The following SOX5 variants were observed in gnomAD, a reference collection of about 807,000 sequenced individuals.
SOX5 encodes the protein SRY-box transcription factor 5.
SOX5 carries 9 observed loss-of-function variants against 92.0 expected under a neutral mutation model. The observed-to-expected ratio is 0.10, with a 90% confidence interval of 0.06 to 0.17. The LOEUF is 0.17. Among genes scored for constraint, SOX5 ranks in the 10% least tolerant of loss-of-function variants. The probability of loss-of-function intolerance (pLI) is 1.00; values close to 1 mark genes in which losing one functional copy is unlikely to be tolerated. For synonymous variants in SOX5, 344 were observed against 336.3 expected (o/e 1.02, Z -0.25); for missense variants, 642 against 944.5 (o/e 0.68, Z 4.20).
chr12:23,600,586 G>A (rs1487497214), intron 9 of SOX5, among the ~76,000 whole-genome samples: 2 of 114,882 alleles, frequency 1.7e-5, no homozygotes, highest in Non-Finnish European at 3.6e-5. Context: ...AAAAACCAAG[G>A]CATTGAGAAA....
At chr12:24,461,945 T>C (rs1035806857) in intron 1 of SOX5, among the ~76,000 whole-genome samples, 1 of 152,196 alleles carries the variant, frequency 6.6e-6, no homozygotes, top group Non-Finnish European at 1.5e-5. Flanking sequence ...GGTTACATCA[T>C]TTACCTCCGT....
intron 2 of SOX5, among the ~76,000 whole-genome samples, chr12:23,849,046 G>T (rs555745839): frequency 8.7e-4 from 133 of 152,170 alleles, no homozygotes; most frequent in African/African-American, 3.1e-3. Flanking sequence ...ACAGAATATT[G>T]CTATGAACAC....
chr12:24,152,864 T>C (rs908155138), intron 4 of SOX5, among the ~76,000 whole-genome samples: 4 of 152,022 alleles, frequency 2.6e-5, no homozygotes, highest in African/African-American at 4.8e-5. Context: ...AAAAAGAGAA[T>C]TGTAATCATA....
intron 4 of SOX5, among the ~76,000 whole-genome samples, chr12:24,037,750 C>A (rs1302071031): frequency 6.6e-5 from 10 of 152,080 alleles, no homozygotes; most frequent in Admixed American, 1.3e-4. Flanking sequence ...TCTACAAATA[C>A]AAAATTATTT....
intron 6 of SOX5, among the ~76,000 whole-genome samples, chr12:23,674,944 T>C (rs1329443574): frequency 1.3e-5 from 2 of 152,102 alleles, no homozygotes; most frequent in African/African-American, 2.4e-5. Flanking sequence ...TGCCATTTGG[T>C]GTTAATTTCT....
chr12:23,924,355 C>A (rs533564860), intron 1 of SOX5, among the ~76,000 whole-genome samples: 1 of 152,136 alleles, frequency 6.6e-6, no homozygotes, highest in African/African-American at 2.4e-5. Context: ...GACCTAGGAC[C>A]AGACTTTATC....
intron 1 of SOX5, among the ~76,000 whole-genome samples, chr12:24,497,459 C>T (rs184237631): frequency 6.6e-6 from 1 of 152,268 alleles, no homozygotes; most frequent in East Asian, 1.9e-4. Flanking sequence ...GGGTCTTCAT[C>T]CTAATGTTTT....
chr12:23,665,910 G>A (rs2139434758), intron 6 of SOX5, among the ~76,000 whole-genome samples: 1 of 152,206 alleles, frequency 6.6e-6, no homozygotes, highest in South Asian at 2.1e-4. Context: ...AGAAGGAACT[G>A]AAATCGCCCT....
chr12:24,374,488 T>A (rs1957046071), intron 1 of SOX5, among the ~76,000 whole-genome samples: 1 of 150,546 alleles, frequency 6.6e-6, no homozygotes, highest in South Asian at 2.1e-4. Flanking sequence ...TGTTCTGCCC[T>A]CTCCAGACCA....
At chr12:24,223,436 T>C (rs1441448433) in intron 3 of SOX5, 1 of 152,146 alleles carries the variant, frequency 6.6e-6, no homozygotes, top group South Asian at 2.1e-4. Flanking sequence ...CATGATTAGA[T>C]ACAAGTGAGG....
At chr12:23,961,744 TATGTA>T (rs1946966185) in intron 4 of SOX5, among the ~76,000 whole-genome samples, 1 of 152,194 alleles carries the variant, frequency 6.6e-6, no homozygotes, top group Admixed American at 6.5e-5. Flanking sequence ...CACAGCATTG[TATGTA>T]GTACCACTGC....
intron 4 of SOX5, among the ~76,000 whole-genome samples, chr12:24,212,659 T>C (rs1393096308): frequency 6.6e-6 from 1 of 152,158 alleles, no homozygotes; most frequent in Non-Finnish European, 1.5e-5. Context: ...ATCATGGCAA[T>C]GGGGACTTCA....
intron 1 of SOX5, among the ~76,000 whole-genome samples, chr12:24,486,640 G>T (rs772619311): frequency 6.6e-6 from 1 of 152,152 alleles, no homozygotes. Context: ...ATGACTTAAA[G>T]CTAGTTAAAA....
intron 1 of SOX5, among the ~76,000 whole-genome samples, chr12:24,539,134 C>A (rs905405477): frequency 4.6e-5 from 7 of 151,982 alleles, no homozygotes; most frequent in African/African-American, 7.2e-5. Context: ...AACAAATTAG[C>A]CAATTTCATT....
intron 4 of SOX5, among the ~76,000 whole-genome samples, chr12:24,105,760 G>T (rs1317043126): frequency 2.6e-5 from 4 of 152,092 alleles, no homozygotes; most frequent in African/African-American, 9.7e-5. Context: ...GTCATTTTAT[G>T]TTACCATAGT....
chr12:24,106,762 A>G (rs1946720299), intron 4 of SOX5, among the ~76,000 whole-genome samples: 2 of 150,366 alleles, frequency 1.3e-5, no homozygotes, highest in South Asian at 4.2e-4. Flanking sequence ...ACTGCACTCC[A>G]GCCTGGGCAA....
chr12:23,563,814 CTA>C (rs1206158200), intron 10 of SOX5, among the ~76,000 whole-genome samples: 1 of 152,074 alleles, frequency 6.6e-6, no homozygotes, highest in African/African-American at 2.4e-5. Flanking sequence ...ATAATTATGA[CTA>C]TGATTATTGA....
intron 11 of SOX5, among the ~76,000 whole-genome samples, chr12:23,548,651 T>TA (rs376435769): frequency 2.7e-3 from 408 of 151,670 alleles, no homozygotes; most frequent in African/African-American, 9.4e-3. Context: ...ACATTTTTTT[T>TA]AAAAAAAGTG....
intron 4 of SOX5, among the ~76,000 whole-genome samples, chr12:24,027,816 T>A (rs1039383687): frequency 6.6e-6 from 1 of 151,824 alleles, no homozygotes; most frequent in African/African-American, 2.4e-5. Flanking sequence ...CAAGTCACCA[T>A]CCTCAATCCA....
Sources: allele counts gnomAD v4.1 joint callset (sites outside exome capture counted in the v4.1 genomes callset), GRCh38; gene constraint gnomAD v4.1.1; transcripts MANE v1.5; gene names NCBI Gene and HGNC (gene_info 2026-07-23, HGNC 2026-07-21).